The following CACHD1 variants were observed in gnomAD, a reference collection of about 807,000 sequenced individuals.
The protein encoded by CACHD1 is cache domain containing 1.
Under a neutral mutation model 138.7 loss-of-function variants are expected in CACHD1, and 71 were observed. The observed-to-expected ratio is 0.51, with a 90% confidence interval of 0.42 to 0.62. The LOEUF (loss-of-function observed/expected upper bound fraction) is 0.62. CACHD1 is among the 20% of genes least tolerant of loss of function. The pLI, the probability that CACHD1 is intolerant of heterozygous loss-of-function variation, is 0.00. For missense variants in CACHD1, 1,389 were observed against 1,625.3 expected (o/e 0.85, Z 2.50); for synonymous variants, 578 against 591.5 (o/e 0.98, Z 0.33).
At chr1:64,602,335 G>A (rs1257126573) in intron 3 of CACHD1, among the ~76,000 whole-genome samples, 1 of 152,098 alleles carries the variant, frequency 6.6e-6, no homozygotes, top group Admixed American at 6.5e-5. Flanking sequence ...ACAGAGCAGG[G>A]TTTCACATCT....
intron 24 of CACHD1, among the ~76,000 whole-genome samples, chr1:64,681,048 T>A (rs1014243353): frequency 6.6e-6 from 1 of 152,212 alleles, no homozygotes; most frequent in Non-Finnish European, 1.5e-5. Context: ...GAATTTCAGA[T>A]GTCTCTTGAT....
intron 7 of CACHD1, among the ~76,000 whole-genome samples, chr1:64,637,445 G>C (rs1648563660): frequency 6.6e-6 from 1 of 152,158 alleles, no homozygotes; most frequent in Non-Finnish European, 1.5e-5. Flanking sequence ...ATTTTCATGT[G>C]AAATCCCTTG....
chr1:64,563,936 G>A (rs1354692429), intron 2 of CACHD1: 3 of 152,140 alleles, frequency 2.0e-5, no homozygotes, highest in Non-Finnish European at 4.4e-5. Context: ...CTCTGTAGTA[G>A]GCATTCAGTA....
chr1:64,562,820 T>C (rs1296230707), intron 2 of CACHD1, among the ~76,000 whole-genome samples: 3 of 152,198 alleles, frequency 2.0e-5, no homozygotes, highest in African/African-American at 7.2e-5. Flanking sequence ...TAATAGCTGC[T>C]TTAACATTTC....
intron 10 of CACHD1, among the ~76,000 whole-genome samples, chr1:64,653,297 G>C (rs1237138250): frequency 6.6e-6 from 1 of 150,386 alleles, no homozygotes; most frequent in Non-Finnish European, 1.5e-5. Flanking sequence ...TAGTACCTGG[G>C]TCACAAAATA....
rs116530939 is a variant in CACHD1 at position 64,677,440 on chromosome 1, G to A, written c.3092+429G>A. ...CCGCTCTCTCCCCACTCCTCAGGTG[G>A]GATTAGGAGTTTGGGACTAGACATT... On this transcript the variant is annotated intron_variant, in intron 22 of 26. Coordinates refer to ENST00000651257, the MANE Select transcript of CACHD1 (RefSeq NM_020925.4). Among the ~76,000 whole-genome samples, 608 of 152,296 alleles carry A rather than the reference G, an allele frequency of 4.0e-3. 1 individual carries two copies. The highest frequency in any genetic ancestry group is 6.1e-3 in the Non-Finnish European group (416 of 68,026).
chr1:64,555,190 C>T (rs1214905465), intron 2 of CACHD1, among the ~76,000 whole-genome samples: 2 of 151,868 alleles, frequency 1.3e-5, no homozygotes, highest in Non-Finnish European at 2.9e-5. Flanking sequence ...GGTTTCTCCA[C>T]GTTGCCCAGG....
rs1355180396 is a variant in CACHD1 at position 64,691,507 on chromosome 1, T to C, written c.3771T>C (p.His1257=). 3.1e-6 allele frequency: 5 copies of C among 1,614,096 alleles called. No homozygotes were observed. Among genetic ancestry groups the C allele is most frequent in the South Asian group, 1.1e-5 (1 of 91,082 alleles). The change falls in exon 27 of 27, where the codon CAT becomes CAC. Residue 1257 remains histidine (H), a synonymous_variant. Transcript: ENST00000651257. ...HYRSHHPTLH[H]SHHLQAAVTV... ...GGTCACACCACCCTACACTTCATCATAGCCACCACTTACAGGCGGCCGTCA... is the reference window on the plus strand; with the variant it reads ...GGTCACACCACCCTACACTTCATCACAGCCACCACTTACAGGCGGCCGTCA...
At chr1:64,570,010 C>G (rs1432446836) in intron 2 of CACHD1, among the ~76,000 whole-genome samples, 1 of 152,208 alleles carries the variant, frequency 6.6e-6, no homozygotes, top group Admixed American at 6.5e-5. Context: ...TACCCCAGCC[C>G]TACCTGACTC....
intron 4 of CACHD1, among the ~76,000 whole-genome samples, chr1:64,613,684 C>G (rs1387469441): frequency 6.6e-6 from 1 of 152,114 alleles, no homozygotes; most frequent in Non-Finnish European, 1.5e-5. Flanking sequence ...GCTATTTATC[C>G]TCTTATGTCT....
At chr1:64,597,522 TTG>T (rs1223055315) in intron 3 of CACHD1, among the ~76,000 whole-genome samples, 25 of 110,182 alleles carry the variant, frequency 2.3e-4, no homozygotes, top group African/African-American at 8.2e-4. Context: ...TTTTTTTTTG[TTG>T]TTTTTTTTTT....
In CACHD1 at chr1:64,510,206, G is replaced by A. The variant is rs542230284; in HGVS notation, c.198+39264G>A. Among the ~76,000 whole-genome samples the A allele has an allele frequency of 5.3e-5, 8 of 152,262 alleles. No homozygotes were observed. In the South Asian group the frequency reaches 1.7e-3, roughly 32 times the overall value. ...CTTGTCACAAAAAAGGGATGCGGAG[G>A]TAAAGTAGAGTTGCTCCAACAGCAT... On this transcript the variant is annotated intron_variant, in intron 1 of 26. Coordinates refer to ENST00000651257, the MANE Select transcript of CACHD1 (RefSeq NM_020925.4).
At chr1:64,562,624 T>C (rs1034510436) in intron 2 of CACHD1, among the ~76,000 whole-genome samples, 18 of 151,620 alleles carry the variant, frequency 1.2e-4, no homozygotes, top group African/African-American at 4.4e-4. Flanking sequence ...GGTTTCACCA[T>C]GTTGACCAAG....
chr1:64,550,556 A>G (rs1366909438), intron 1 of CACHD1, 38 bp from the exon 2 acceptor site: 2 of 1,461,856 alleles, frequency 1.4e-6, no homozygotes, highest in African/African-American at 2.8e-5. Context: ...AAAATGACTT[A>G]TTTAGAAAAT....
At chr1:64,633,738 T>G (rs1648395933) in intron 6 of CACHD1, among the ~76,000 whole-genome samples, 1 of 152,208 alleles carries the variant, frequency 6.6e-6, no homozygotes. Context: ...ACAGGATAGT[T>G]CATTCTTGCT....
chr1:64,519,319 C>T (rs1462794843), intron 1 of CACHD1, among the ~76,000 whole-genome samples: 1 of 152,110 alleles, frequency 6.6e-6, no homozygotes, highest in Non-Finnish European at 1.5e-5. Flanking sequence ...GTAGTGGAGC[C>T]TTTCGATTGA....
chr1:64,690,030 G>A (rs1278034500), intron 26 of CACHD1, among the ~76,000 whole-genome samples: 1 of 152,178 alleles, frequency 6.6e-6, no homozygotes, highest in African/African-American at 2.4e-5. Context: ...TCCCGCTCCA[G>A]CCCCATAATG....
At chr1:64,572,840 G>A (rs1646936839) in intron 2 of CACHD1, among the ~76,000 whole-genome samples, 1 of 152,128 alleles carries the variant, frequency 6.6e-6, no homozygotes, top group Admixed American at 6.5e-5. Context: ...TTTCTCTGTT[G>A]GATGGGCTAT....
At chr1:64,548,604 C>T (rs1394394052) in intron 1 of CACHD1, among the ~76,000 whole-genome samples, 1 of 152,080 alleles carries the variant, frequency 6.6e-6, no homozygotes, top group African/African-American at 2.4e-5. Flanking sequence ...ATTTAGAATC[C>T]TAATGCCCCC....
Sources: gnomAD v4.1 joint callset for allele counts (sites outside exome capture counted in the v4.1 genomes callset) on GRCh38, gnomAD v4.1.1 for gene constraint, MANE v1.5 for transcripts, NCBI Gene and HGNC (gene_info 2026-07-23, HGNC 2026-07-21) for gene names.